PTPN4: variants seen among roughly 807,000 people sequenced by gnomAD.
PTPN4 encodes the protein tyrosine-protein phosphatase non-receptor type 4.
A neutral mutation model predicts 135.5 loss-of-function variants in PTPN4; 49 were observed. The ratio of observed to expected loss-of-function variants is 0.36; its 90% CI spans 0.29 to 0.46. The LOEUF is 0.46. PTPN4 is among the 20% of genes least tolerant of loss of function. The pLI is 1.00. For synonymous variants in PTPN4, 333 were observed against 369.9 expected (o/e 0.90, Z 1.14); for missense variants, 860 against 1,101.0 (o/e 0.78, Z 3.10).
chr2:119,788,921 T>A (rs1224902576), intron 1 of PTPN4, among the ~76,000 whole-genome samples: 2 of 152,168 alleles, frequency 1.3e-5, no homozygotes, highest in Non-Finnish European at 2.9e-5. Flanking sequence ...TTCAGTTATT[T>A]TGGGTATATA....
chr2:119,882,852 T>C lies in PTPN4; in HGVS notation c.587+229T>C, dbSNP rs182540031. ...AGCCATTAAGCTATCTGTAAACAGA[T>C]ATTTATTTGCTATTGTGTAATAGTC... On this transcript the variant is annotated intron_variant, in intron 8 of 26. Coordinates refer to ENST00000263708, the MANE Select transcript of PTPN4 (RefSeq NM_002830.4). 3.1e-3 allele frequency among the ~76,000 whole-genome samples: 476 copies of C among 152,286 alleles called. 11 individuals are homozygous for C. Among genetic ancestry groups the C allele is most frequent in the Admixed American group, 0.028 (429 of 15,306 alleles).
intron 2 of PTPN4, among the ~76,000 whole-genome samples, chr2:119,848,097 T>C (rs1345580779): frequency 6.6e-6 from 1 of 152,174 alleles, no homozygotes; most frequent in Admixed American, 6.5e-5. Context: ...TTGAGCTTTT[T>C]GCATGAGTAG....
intron 18 of PTPN4, 86 bp downstream of exon 18, chr2:119,946,660 G>A: frequency 9.5e-7 from 1 of 1,051,442 alleles, no homozygotes; most frequent in Non-Finnish European, 1.4e-6. Flanking sequence ...ATAAAACAAG[G>A]AATTTCATCA....
chr2:119,955,794 G>C (rs940251525), intron 20 of PTPN4, among the ~76,000 whole-genome samples: 17 of 151,822 alleles, frequency 1.1e-4, no homozygotes, highest in Non-Finnish European at 2.2e-4. Context: ...AAAATTAGCC[G>C]GGTGTGGTGG....
At chr2:119,773,332 C>T (rs1465577957) in intron 1 of PTPN4, among the ~76,000 whole-genome samples, 2 of 151,598 alleles carry the variant, frequency 1.3e-5, no homozygotes, top group Admixed American at 6.6e-5. Context: ...TCCACTTATA[C>T]GTGGATTTTT....
At chr2:119,852,415 TC>T (rs1677606296) in intron 2 of PTPN4, among the ~76,000 whole-genome samples, 1 of 152,226 alleles carries the variant, frequency 6.6e-6, no homozygotes, top group Non-Finnish European at 1.5e-5. Flanking sequence ...GCAACACCCT[TC>T]CACCAAAGTA....
intron 3 of PTPN4, among the ~76,000 whole-genome samples, chr2:119,865,613 G>A (rs1162477058): frequency 1.3e-5 from 2 of 151,956 alleles, no homozygotes; most frequent in Non-Finnish European, 2.9e-5. Context: ...ATTAAGGAGA[G>A]GAGGTAACCA....
intron 11 of PTPN4, chr2:119,916,598 C>G (rs1678656932): frequency 1.3e-5 from 2 of 152,126 alleles, no homozygotes; most frequent in South Asian, 4.1e-4. Context: ...TATGTACCGC[C>G]TTCTAATATG....
intron 1 of PTPN4, among the ~76,000 whole-genome samples, chr2:119,775,512 A>G (rs1690819167): frequency 6.6e-6 from 1 of 152,172 alleles, no homozygotes; most frequent in Admixed American, 6.5e-5. Context: ...CAAACACAAC[A>G]TTTCTAATTC....
At chr2:119,908,165 T>G (rs1678516894) in intron 10 of PTPN4, among the ~76,000 whole-genome samples, 1 of 152,128 alleles carries the variant, frequency 6.6e-6, no homozygotes, top group Non-Finnish European at 1.5e-5. Flanking sequence ...AGACAACCTA[T>G]AGAACTGGAG....
Position 119,960,790 on chromosome 2 carries a change from T to C in PTPN4, c.2134-17T>C. On this transcript the variant is annotated splice_polypyrimidine_tract_variant and intron_variant, in intron 22 of 26. Transcript: ENST00000263708. ...AGTAATGCAAAACATTTTATTTTCA[T>C]GCCCTTTTCTTTTTAGATGGAAATT... is the stretch of plus-strand genomic sequence containing the variant. The C allele has an allele frequency of 1.2e-6, 2 of 1,603,358 alleles. No homozygotes were observed.
intron 2 of PTPN4, among the ~76,000 whole-genome samples, chr2:119,836,361 T>C (rs1347295747): frequency 6.6e-6 from 1 of 152,258 alleles, no homozygotes; most frequent in Non-Finnish European, 1.5e-5. Context: ...CAGGTCTTTC[T>C]TGTAGTTTAG....
intron 15 of PTPN4, among the ~76,000 whole-genome samples, chr2:119,943,549 A>G (rs1171781359): frequency 8.0e-5 from 12 of 150,224 alleles, no homozygotes; most frequent in Admixed American, 8.0e-4. Context: ...AAAAAGAAGC[A>G]TAATGAAATC....
intron 7 of PTPN4, 24 bp downstream of exon 7, chr2:119,882,173 T>A (rs180770969): frequency 1.3e-6 from 2 of 1,573,746 alleles, no homozygotes; most frequent in Admixed American, 1.7e-5. Flanking sequence ...CATTTTTAGG[T>A]CAAATAGCAT....
chr2:119,919,532 T>C (rs1354325747), intron 11 of PTPN4, among the ~76,000 whole-genome samples: 5 of 152,180 alleles, frequency 3.3e-5, no homozygotes, highest in Admixed American at 2.6e-4. Context: ...AGTTATAATA[T>C]GAATGAACAA....
chr2:119,934,082 A>G (rs1678947105), intron 14 of PTPN4, among the ~76,000 whole-genome samples: 1 of 152,212 alleles, frequency 6.6e-6, no homozygotes, highest in Admixed American at 6.5e-5. Flanking sequence ...CTGGTTAATG[A>G]AACAATTTCA....
At chr2:119,964,153 A>T (rs1048563765) in intron 24 of PTPN4, among the ~76,000 whole-genome samples, 2 of 152,220 alleles carry the variant, frequency 1.3e-5, no homozygotes, top group Non-Finnish European at 2.9e-5. Flanking sequence ...GTGTTGAATG[A>T]CTATAGCAAC....
At chr2:119,906,336 A>C (rs1678487641) in intron 10 of PTPN4, among the ~76,000 whole-genome samples, 1 of 152,188 alleles carries the variant, frequency 6.6e-6, no homozygotes, top group Non-Finnish European at 1.5e-5. Flanking sequence ...GTCTGAAAAA[A>C]AAGAAAAGAC....
intron 3 of PTPN4, among the ~76,000 whole-genome samples, chr2:119,868,626 G>A (rs1056367965): frequency 5.3e-5 from 8 of 152,206 alleles, no homozygotes; most frequent in South Asian, 2.1e-4. Flanking sequence ...GCGGAAAACC[G>A]CTTAAAGGCA....
Sources: allele counts gnomAD v4.1 joint callset (sites outside exome capture counted in the v4.1 genomes callset), GRCh38; gene constraint gnomAD v4.1.1; transcripts MANE v1.5; gene names NCBI Gene and HGNC (gene_info 2026-07-23, HGNC 2026-07-21).